Variants in CDH13 observed in about 807,000 individuals in gnomAD.
CDH13 encodes cadherin 13.
In CDH13, 24 loss-of-function variants were observed where a neutral mutation model predicts 63.8. The ratio of observed to expected loss-of-function variants is 0.38; its 90% CI spans 0.27 to 0.53. The LOEUF (loss-of-function observed/expected upper bound fraction) is 0.53. CDH13 is among the 20% of genes least tolerant of loss of function. The pLI is 0.85. For synonymous variants in CDH13, 503 were observed against 355.3 expected (o/e 1.42, Z -4.67); for missense variants, 1,049 against 903.1 (o/e 1.16, Z -2.07).
chr16:82,918,666 G>A (rs1031337057), intron 2 of CDH13, among the ~76,000 whole-genome samples: 1 of 151,872 alleles, frequency 6.6e-6, no homozygotes, highest in African/African-American at 2.4e-5. Context: ...CCACTGCCAC[G>A]CCTGGCTAAT....
intron 6 of CDH13, among the ~76,000 whole-genome samples, chr16:83,418,980 G>A (rs1472009): frequency 0.66 from 99,606 of 151,910 alleles, 33,545 homozygotes; most frequent in African/African-American, 0.82. Context: ...TGAAACATAT[G>A]CAGGTGCCAG....
chr16:83,613,870 C>T (rs532409788), intron 8 of CDH13, among the ~76,000 whole-genome samples: 2 of 152,164 alleles, frequency 1.3e-5, no homozygotes, highest in East Asian at 1.9e-4. Context: ...AATAATTACA[C>T]TCATATTTTA....
Position 82,840,566 on chromosome 16 carries a change from C to T in CDH13, c.46-17796C>T, listed in dbSNP as rs149797261. ...CAGGTATGGTGGCACGTGCCTGTAA[C>T]CCCAGCTACTTGGGTGGCTGAGGCA... On this transcript the variant is annotated intron_variant, in intron 1 of 13. Coordinates refer to ENST00000567109, the MANE Select transcript of CDH13 (RefSeq NM_001257.5). 3.7e-3 allele frequency among the ~76,000 whole-genome samples: 566 copies of T among 151,350 alleles called. 6 individuals are homozygous for T. The Middle Eastern group carries it at 0.038, about 10-fold the overall frequency.
chr16:83,739,543 C>G (rs775927460), intron 10 of CDH13, among the ~76,000 whole-genome samples: 1 of 151,908 alleles, frequency 6.6e-6, no homozygotes, highest in Admixed American at 6.6e-5. Flanking sequence ...TGGGAGTGGT[C>G]TTCGGGACCC....
intron 1 of CDH13, among the ~76,000 whole-genome samples, chr16:82,664,929 A>G (rs1191842631): frequency 1.3e-5 from 2 of 152,074 alleles, no homozygotes; most frequent in African/African-American, 4.8e-5. Context: ...GTGTGTGTGT[A>G]ATTGATTCTC....
intron 1 of CDH13, among the ~76,000 whole-genome samples, chr16:82,670,356 C>G (rs372969059): frequency 5.9e-5 from 9 of 152,324 alleles, no homozygotes; most frequent in South Asian, 2.1e-4. Context: ...CTTTCCTCTT[C>G]CTTCTCTCCA....
At position 82,753,818 on chromosome 16, in the gene CDH13, CAA is replaced by C. The variant is rs796237061; in HGVS notation, c.46-104543_46-104542del. ...TCCACCTCAGAAGCTGTCCAAACAT[CAA>C]GAGAGAAGTGGCCTTGGTCCAGTCC... On this transcript the variant is annotated intron_variant, in intron 1 of 13. Transcript: ENST00000567109. Among the ~76,000 whole-genome samples, 11 of 152,306 alleles carry C rather than the reference CAA, an allele frequency of 7.2e-5. No individual in the cohort carries two copies. The South Asian group carries it at 2.3e-3, about 32-fold the overall frequency.
intron 7 of CDH13, among the ~76,000 whole-genome samples, chr16:83,572,390 C>G (rs959386129): frequency 6.6e-6 from 1 of 152,122 alleles, no homozygotes; most frequent in East Asian, 1.9e-4. Context: ...ATCTACCCAT[C>G]TCGGCCTCAC....
chr16:83,311,238 C>G (rs1458589347), intron 5 of CDH13, among the ~76,000 whole-genome samples: 1 of 152,148 alleles, frequency 6.6e-6, no homozygotes, highest in Non-Finnish European at 1.5e-5. Flanking sequence ...TCCTCCATGA[C>G]CTCCTTTGGG....
At chr16:82,892,161 G>A (rs188546221) in intron 2 of CDH13, among the ~76,000 whole-genome samples, 45 of 152,232 alleles carry the variant, frequency 3.0e-4, no homozygotes, top group Non-Finnish European at 5.9e-5. Context: ...TTCCTCATAT[G>A]TGAAATGAAA....
At chr16:83,064,616 A>G (rs898529772) in intron 3 of CDH13, among the ~76,000 whole-genome samples, 10 of 152,234 alleles carry the variant, frequency 6.6e-5, no homozygotes, top group African/African-American at 1.9e-4. Flanking sequence ...AACTTTTTCC[A>G]TACTAAGTTT....
At chr16:83,151,633 A>T (rs896594412) in intron 4 of CDH13, among the ~76,000 whole-genome samples, 8 of 151,648 alleles carry the variant, frequency 5.3e-5, no homozygotes, top group African/African-American at 1.9e-4. Context: ...GGATAGCTTT[A>T]AAAAAAAATA....
chr16:83,463,256 G>C (rs2073225243), intron 6 of CDH13, among the ~76,000 whole-genome samples: 1 of 152,226 alleles, frequency 6.6e-6, no homozygotes, highest in Non-Finnish European at 1.5e-5. Flanking sequence ...TTCAAGTTAA[G>C]TGCATCAGCC....
intron 5 of CDH13, among the ~76,000 whole-genome samples, chr16:83,255,483 C>T (rs537328028): frequency 9.2e-5 from 14 of 152,220 alleles, no homozygotes. Flanking sequence ...ACTTACTCCA[C>T]ATGAGAACGT....
intron 3 of CDH13, among the ~76,000 whole-genome samples, chr16:83,104,961 T>C (rs2034692258): frequency 6.6e-6 from 1 of 152,242 alleles, no homozygotes; most frequent in Admixed American, 6.5e-5. Flanking sequence ...TCATTTTCTC[T>C]GAGAAAGGAA....
rs1429936161 is a variant in CDH13, at chr16:83,753,564, G to A, written c.1681+5314G>A. On this transcript the variant is annotated intron_variant, in intron 11 of 13. Transcript: ENST00000567109. ...CCGTCTCAAAAAAAAAGTAAATAGT[G>A]CTAACTGATCTCTCAACTTTATCCA... 3.9e-5 allele frequency among the ~76,000 whole-genome samples: 6 copies of A among 152,136 alleles called. No individual in the cohort carries two copies. The South Asian group carries it at 1.0e-3, about 26-fold the overall frequency.
intron 1 of CDH13, among the ~76,000 whole-genome samples, chr16:82,632,548 C>A (rs1010088979): frequency 6.6e-6 from 1 of 152,080 alleles, no homozygotes; most frequent in Non-Finnish European, 1.5e-5. Flanking sequence ...CCTGGCACAC[C>A]AGTGTGTTGG....
intron 7 of CDH13, among the ~76,000 whole-genome samples, chr16:83,502,379 C>G (rs1396234022): frequency 6.6e-6 from 1 of 151,380 alleles, no homozygotes; most frequent in African/African-American, 2.4e-5. Context: ...CTTCTGGCAT[C>G]TAAAACAAAA....
chr16:83,356,087 C>T (rs1197408697), intron 6 of CDH13, among the ~76,000 whole-genome samples: 1 of 152,112 alleles, frequency 6.6e-6, no homozygotes, highest in South Asian at 2.1e-4. Context: ...CATTTCATCC[C>T]CATCCACAAC....
Sources: allele counts gnomAD v4.1 joint callset (sites outside exome capture counted in the v4.1 genomes callset), GRCh38; gene constraint gnomAD v4.1.1; transcripts MANE v1.5; gene names NCBI Gene and HGNC (gene_info 2026-07-23, HGNC 2026-07-21).